The following ZNF398 variants were observed in gnomAD, a reference collection of about 807,000 sequenced individuals.
The protein encoded by ZNF398 is zinc finger protein 398, also known as zinc finger DNA binding protein ZER6.
ZNF398 carries 18 observed loss-of-function variants against 41.9 expected under a neutral mutation model. The ratio of observed to expected loss-of-function variants is 0.43; its 90% CI spans 0.30 to 0.64. The LOEUF (loss-of-function observed/expected upper bound fraction) is 0.64. Ranked by LOEUF, ZNF398 falls within the 30% of genes least tolerant of loss-of-function variation. The pLI, the probability that ZNF398 is intolerant of heterozygous loss-of-function variation, is 0.14. For synonymous variants in ZNF398, 260 were observed against 308.8 expected (o/e 0.84, Z 1.66); for missense variants, 669 against 822.8 (o/e 0.81, Z 2.29).
chr7:149,161,069 C>T (rs1359598829), intron 2 of ZNF398, among the ~76,000 whole-genome samples: 3 of 152,140 alleles, frequency 2.0e-5, no homozygotes, highest in East Asian at 1.9e-4. Context: ...TCCCCAGCGC[C>T]CCTTTGGCAC....
intron 1 of ZNF398, chr7:149,126,704 G>A (rs371298184): frequency 1.3e-5 from 2 of 158,248 alleles, no homozygotes; most frequent in African/African-American, 2.4e-5. Context: ...AGTCAGGGAT[G>A]AGCTCGAGGG....
Position 149,181,210 on chromosome 7 carries a change from C to T in ZNF398, c.*1409C>T, listed in dbSNP as rs1312858142. On this transcript the variant is annotated 3_prime_UTR_variant, in exon 6 of 6. Coordinates refer to ENST00000475153, the MANE Select transcript of ZNF398 (RefSeq NM_170686.3). ...AAAAAGTCTGTGATACATTCCTTTT[C>T]CTGCCAAAGTTCTGTCTCTGTCTTT... is the stretch of plus-strand genomic sequence containing the variant. The T allele has an allele frequency of 3.3e-5, 5 of 152,616 alleles. No homozygotes were observed. The South Asian group carries it at 8.3e-4, about 25-fold the overall frequency. 9.5% of individuals were successfully genotyped at this position (152,616 alleles called of 1,614,324 possible). A position where few individuals can be genotyped will look rare whatever the true frequency, so the allele number is the denominator to read the frequency against.
intron 1 of ZNF398, among the ~76,000 whole-genome samples, chr7:149,150,710 C>G (rs896212573): frequency 1.3e-5 from 2 of 152,024 alleles, no homozygotes; most frequent in East Asian, 3.9e-4. Context: ...CCCGCGCCCC[C>G]CCGCCTCCCC....
chr7:149,137,400 A>G (rs1826737072), intron 2 of ZNF398, among the ~76,000 whole-genome samples: 1 of 151,934 alleles, frequency 6.6e-6, no homozygotes. Context: ...CTTTTCTTTT[A>G]ACACAGAGTC....
chr7:149,132,030 G>A (rs1011247168), intron 2 of ZNF398, among the ~76,000 whole-genome samples: 10 of 152,146 alleles, frequency 6.6e-5, no homozygotes, highest in Non-Finnish European at 1.2e-4. Context: ...ATCAAGTATT[G>A]CTTTTGATGA....
At chr7:149,142,652 G>A (rs781055415), upstream of ZNF398, among the ~76,000 whole-genome samples, 1 of 152,230 alleles carries the variant, frequency 6.6e-6, no homozygotes, top group African/African-American at 2.4e-5. Flanking sequence ...GGGCAACAGA[G>A]CGAGACTCCG....
At position 149,181,720 on chromosome 7, in the gene ZNF398, T is replaced by TA. The variant is rs1233800992; in HGVS notation, c.*1920dup. 1 of 152,112 alleles carries TA rather than the reference T, an allele frequency of 6.6e-6. No homozygotes were observed. Among genetic ancestry groups the TA allele is most frequent in the African/African-American group, 2.4e-5 (1 of 41,396 alleles). The allele number at this position is 152,112 out of a possible 1,614,324, so 9.4% of individuals were successfully genotyped here. On this transcript the variant is annotated 3_prime_UTR_variant, in exon 6 of 6. Coordinates refer to ENST00000475153, the MANE Select transcript of ZNF398 (RefSeq NM_170686.3). ...GAAATGTGTGTCTGCTGTCATAACTTACAGTGAAAAAGCCCAATAATACAG... is the reference window on the plus strand; with the variant it reads ...GAAATGTGTGTCTGCTGTCATAACTTAACAGTGAAAAAGCCCAATAATACAG...
At chr7:149,146,298 C>T (rs937039576), upstream of ZNF398, among the ~76,000 whole-genome samples, 3 of 152,144 alleles carry the variant, frequency 2.0e-5, no homozygotes, top group Non-Finnish European at 4.4e-5. Flanking sequence ...TCGATCTCTG[C>T]TGCTCTCAGG....
At chr7:149,133,658 T>TATATATATATATATATATATATATAC (rs1826642775) in intron 2 of ZNF398, among the ~76,000 whole-genome samples, 2 of 28,550 alleles carry the variant, frequency 7.0e-5, no homozygotes, top group Non-Finnish European at 1.2e-4. Context: ...TTTTTAAATA[T>TATATATATATATATATATATATATAC]ATATATATAT....
chr7:149,151,753 TATTC>T (rs1488196507), intron 1 of ZNF398, among the ~76,000 whole-genome samples: 1 of 151,798 alleles, frequency 6.6e-6, no homozygotes, highest in East Asian at 1.9e-4. Flanking sequence ...CCTATTTATT[TATTC>T]ATTCATTCAA....
intron 2 of ZNF398, among the ~76,000 whole-genome samples, chr7:149,139,251 G>T (rs1826774543): frequency 6.6e-6 from 1 of 151,332 alleles, no homozygotes; most frequent in Non-Finnish European, 1.5e-5. Flanking sequence ...GTAAAGATGG[G>T]GTCTCACAAT....
At chr7:149,155,535 A>G (rs1459302090) in intron 2 of ZNF398, among the ~76,000 whole-genome samples, 10 of 151,998 alleles carry the variant, frequency 6.6e-5, no homozygotes, top group Non-Finnish European at 1.3e-4. Flanking sequence ...TAATTTTTTA[A>G]AAACCTCCAT....
chr7:149,154,519 T>G (rs543643600), intron 2 of ZNF398, among the ~76,000 whole-genome samples, 179 bp downstream of exon 2: 2 of 152,174 alleles, frequency 1.3e-5, no homozygotes, highest in Non-Finnish European at 2.9e-5. Context: ...TATGTTCAAT[T>G]TAGTACCCAT....
At chr7:149,150,190 A>G (rs985401405) in intron 1 of ZNF398, among the ~76,000 whole-genome samples, 2 of 152,226 alleles carry the variant, frequency 1.3e-5, no homozygotes, top group African/African-American at 4.8e-5. Flanking sequence ...GAATGAATTT[A>G]GGTCTGATTA....
chr7:149,168,629 C>T (rs566435554), intron 4 of ZNF398, among the ~76,000 whole-genome samples: 13 of 151,954 alleles, frequency 8.6e-5, no homozygotes, highest in Non-Finnish European at 1.9e-4. Context: ...AGTGCAGTGG[C>T]GTGATCCTGG....
At chr7:149,172,372 C>T (rs1002828350) in intron 4 of ZNF398, among the ~76,000 whole-genome samples, 17 of 152,142 alleles carry the variant, frequency 1.1e-4, no homozygotes, top group Admixed American at 7.9e-4. Context: ...ACACTGTATA[C>T]GCTACCTGGC....
chr7:149,157,632 G>C (rs1795010302), intron 2 of ZNF398, among the ~76,000 whole-genome samples: 1 of 151,696 alleles, frequency 6.6e-6, no homozygotes, highest in South Asian at 2.1e-4. Context: ...GAGGTCAAGA[G>C]ATCGAGACCA....
rs962379320 is a variant in ZNF398, at chr7:149,154,267, T to TG, written c.349dup (p.Glu117GlyfsTer19). Reference sequence around the variant, plus strand: ...CTGCTGCAGAGGCGGCTGGAGAACTTGGAGAACCTGCTGCGCAACAGGAAC... The same window carrying TG: ...CTGCTGCAGAGGCGGCTGGAGAACTTGGGAGAACCTGCTGCGCAACAGGAAC... On this transcript the variant is annotated frameshift_variant, in exon 2 of 6. Transcript: ENST00000475153. LOFTEE classifies it high-confidence loss of function. 3 of 1,614,040 alleles carry TG rather than the reference T, an allele frequency of 1.9e-6. No homozygotes were observed. The highest frequency in any genetic ancestry group is 2.5e-6 in the Non-Finnish European group (3 of 1,180,026).
At chr7:149,165,408 C>T (rs1452603244) in intron 2 of ZNF398, among the ~76,000 whole-genome samples, 1 of 152,150 alleles carries the variant, frequency 6.6e-6, no homozygotes, top group African/African-American at 2.4e-5. Context: ...CAGTGAGCTG[C>T]AGTTGCCCAG....
Sources: gnomAD v4.1 joint callset for allele counts (sites outside exome capture counted in the v4.1 genomes callset) on GRCh38, gnomAD v4.1.1 for gene constraint, MANE v1.5 for transcripts, NCBI Gene and HGNC (gene_info 2026-07-23, HGNC 2026-07-21) for gene names.